ATAD3B: variants seen among roughly 807,000 people sequenced by gnomAD.
ATAD3B encodes ATPase family AAA domain-containing protein 3B.
ATAD3B carries 59 observed loss-of-function variants against 70.2 expected under a neutral mutation model. The observed-to-expected ratio is 0.84, with a 90% confidence interval of 0.68 to 1.04. The LOEUF (loss-of-function observed/expected upper bound fraction) is 1.04. Among genes scored for constraint, ATAD3B ranks in the 50% least tolerant of loss-of-function variants. The pLI is 0.00. For synonymous variants in ATAD3B, 423 were observed against 388.6 expected, an observed-to-expected ratio of 1.09 and a Z score of -1.04; for missense variants, 961 against 913.4, an observed-to-expected ratio of 1.05 and a Z score of -0.67.
the ATAD3B span, chr1:1,503,248 A>G: frequency 1.3e-5 from 3 of 234,792 alleles, no homozygotes; most frequent in East Asian, 9.2e-5. Flanking sequence ...AAGTAAAAGC[A>G]TATGTATCAT....
downstream of ATAD3B, among the ~76,000 whole-genome samples, chr1:1,500,626 TG>T (rs1416423693): frequency 6.6e-6 from 1 of 150,500 alleles, no homozygotes; most frequent in African/African-American, 2.4e-5. Flanking sequence ...TATGTATAAA[TG>T]TATATATAAA....
chr1:1,501,441 G>A (rs1640943766), downstream of ATAD3B, among the ~76,000 whole-genome samples: 1 of 152,148 alleles, frequency 6.6e-6, no homozygotes, highest in African/African-American at 2.4e-5. Context: ...ATTTTTAGTA[G>A]AGACGGGGTT....
chr1:1,484,742 A>G, intron 7 of ATAD3B: 1 of 820,052 alleles, frequency 1.2e-6, no homozygotes, highest in Non-Finnish European at 1.8e-6. Flanking sequence ...GGGTCTGCCC[A>G]GGGCCCCGCT....
In ATAD3B at chr1:1,489,318, C is replaced by T. The variant is rs766376101; in HGVS notation, c.1337+44C>T. ...TCCTGAGCCCCCGGGCAGGGCTGTG[C>T]AGCCGTCGCCCTTGGTTCCCACTGA... On this transcript the variant is annotated intron_variant, in intron 13 of 15. Transcript: ENST00000673477. 1.4e-5 allele frequency: 23 copies of T among 1,611,914 alleles called. No individual in the cohort carries two copies. The East Asian group carries it at 3.8e-4, about 27-fold the overall frequency.
At chr1:1,481,804 C>T (rs1639916393) in intron 5 of ATAD3B, among the ~76,000 whole-genome samples, 1 of 151,956 alleles carries the variant, frequency 6.6e-6, no homozygotes, top group Non-Finnish European at 1.5e-5. Context: ...CGGCCTGTGG[C>T]GCTGTCCCTA....
At chr1:1,473,590 G>C (rs1265016239) in intron 1 of ATAD3B, among the ~76,000 whole-genome samples, 2 of 147,350 alleles carry the variant, frequency 1.4e-5, no homozygotes, top group African/African-American at 2.5e-5. Flanking sequence ...GCAACGCCCT[G>C]GTTCAAAGAA....
the ATAD3B span, chr1:1,503,636 A>G: frequency 6.2e-7 from 1 of 1,612,036 alleles, no homozygotes; most frequent in Non-Finnish European, 8.5e-7. Context: ...CAGACGCTGC[A>G]GTTGGAGCAA....
At chr1:1,487,148 C>G (rs111448240) in intron 11 of ATAD3B, among the ~76,000 whole-genome samples, 8,061 of 151,530 alleles carry the variant, frequency 0.053, 112 homozygotes, top group African/African-American at 0.15. Flanking sequence ...GAACCACGAT[C>G]CTCATGGTTG....
At chr1:1,487,487 CAA>C (rs1361376015) in intron 11 of ATAD3B, among the ~76,000 whole-genome samples, 17 of 100,856 alleles carry the variant, frequency 1.7e-4, no homozygotes, top group Non-Finnish European at 2.1e-4. Context: ...GACTCTGTCT[CAA>C]AAAAAAAAAA....
intron 15 of ATAD3B, among the ~76,000 whole-genome samples, chr1:1,494,788 T>C (rs1433271629): frequency 1.3e-5 from 2 of 151,946 alleles, no homozygotes; most frequent in Non-Finnish European, 2.9e-5. Flanking sequence ...TTCCTCCAGG[T>C]GTCCTGGTGC....
Position 1,497,658 on chromosome 1 carries a change from A to C in ATAD3B, c.*1841A>C, listed in dbSNP as rs1451246565. 3.3e-5 allele frequency: 5 copies of C among 151,592 alleles called. No individual in the cohort carries two copies. Among genetic ancestry groups the C allele is most frequent in the Non-Finnish European group, 5.9e-5 (4 of 68,026 alleles). The allele number at this position is 151,592 out of a possible 1,614,324, so 9.4% of individuals were successfully genotyped here. A position where few individuals can be genotyped will look rare whatever the true frequency, so the allele number is the denominator to read the frequency against. ...AAGGCGGGTGAATCATGAGGTCAGGAGTTTGAGACCATCCTGGCTAACGTG... is the reference window on the plus strand; with the variant it reads ...AAGGCGGGTGAATCATGAGGTCAGGCGTTTGAGACCATCCTGGCTAACGTG... On this transcript the variant is annotated 3_prime_UTR_variant, in exon 16 of 16. Coordinates refer to ENST00000673477, the MANE Select transcript of ATAD3B (RefSeq NM_031921.6).
chr1:1,472,367 C>T (rs1639376081), intron 1 of ATAD3B, among the ~76,000 whole-genome samples: 1 of 151,924 alleles, frequency 6.6e-6, no homozygotes, highest in South Asian at 2.1e-4. Context: ...CTGGGGCTGG[C>T]CGTGGTCTTC....
chr1:1,485,069 A>C lies in ATAD3B; in HGVS notation c.804A>C (p.Thr268=), dbSNP rs757691033. Residue 268 remains threonine (T), a synonymous_variant, in exon 8 of 16, where the codon ACA becomes ACC. Transcript: ENST00000673477. The part of the protein sequence containing the change: ...AVGVYSAKNA[T]AVTGRFIEAR... ...GGGTCTACTCAGCCAAGAATGCGAC[A>C]GCCGTCACTGGCCGCTTCATCGAGG... 8 of 1,607,810 alleles carry C rather than the reference A, an allele frequency of 5.0e-6. No homozygotes were observed. The East Asian group carries it at 1.6e-4, about 31-fold the overall frequency.
rs1251333044 is a variant in ATAD3B at position 1,495,161 on chromosome 1, C to T, written c.1615-324C>T. ...GCACTGCCTGGCCACGGCTGAGACT[C>T]GCAGAGGGTCTGCAGTTCCCACCTG... On this transcript the variant is annotated intron_variant, in intron 15 of 15. Transcript: ENST00000673477. Among the ~76,000 whole-genome samples, 5 of 151,960 alleles carry T rather than the reference C, an allele frequency of 3.3e-5. 1 individual carries two copies. The highest frequency in any genetic ancestry group is 1.3e-4 in the Admixed American group (2 of 15,236).
chr1:1,475,157 G>A (rs2100520153), intron 1 of ATAD3B, among the ~76,000 whole-genome samples: 1 of 149,662 alleles, frequency 6.7e-6, no homozygotes, highest in South Asian at 2.1e-4. Flanking sequence ...CGTTGCCAGT[G>A]CCTTGGTCTG....
intron 4 of ATAD3B, 95 bp from the exon 5 acceptor site, chr1:1,480,772 G>A: frequency 1.9e-6 from 3 of 1,567,626 alleles, no homozygotes; most frequent in Non-Finnish European, 2.6e-6. Context: ...GACGCTTGGA[G>A]TTCTGTGGTC....
intron 1 of ATAD3B, among the ~76,000 whole-genome samples, chr1:1,475,285 C>G (rs182149845): frequency 6.6e-6 from 1 of 151,244 alleles, no homozygotes; most frequent in Admixed American, 6.6e-5. Context: ...TCATTTTGAT[C>G]CCTTCTCTCC....
Position 1,486,537 on chromosome 1 carries a change from T to A in ATAD3B, c.1090-7T>A. Reference sequence around the variant, plus strand: ...CTGTTCTGTCTCCCCTCACTCTTCTTGTCCAGAAACTCGCCCTGCACTCAG... The same window carrying A: ...CTGTTCTGTCTCCCCTCACTCTTCTAGTCCAGAAACTCGCCCTGCACTCAG... On this transcript the variant is annotated splice_polypyrimidine_tract_variant and splice_region_variant and intron_variant, in intron 10 of 15. Transcript: ENST00000673477. The A allele has an allele frequency of 6.2e-7, 1 of 1,611,988 alleles. No individual in the cohort carries two copies. Among genetic ancestry groups the A allele is most frequent in the Non-Finnish European group, 8.5e-7 (1 of 1,179,452 alleles).
At chr1:1,504,893 CA>C in the ATAD3B span, among the ~76,000 whole-genome samples, 5 of 152,048 alleles carry the variant, frequency 3.3e-5, no homozygotes, top group Admixed American at 6.6e-5. Context: ...GGTGGTAAGC[CA>C]CCGCGCCCAG....
Sources: gnomAD v4.1 joint callset for allele counts (sites outside exome capture counted in the v4.1 genomes callset) on GRCh38, gnomAD v4.1.1 for gene constraint, MANE v1.5 for transcripts, NCBI Gene and HGNC (gene_info 2026-07-23, HGNC 2026-07-21) for gene names.